The following PEAK1 variants were observed in gnomAD, a reference collection of about 807,000 sequenced individuals.
PEAK1 encodes the protein pseudopodium enriched atypical kinase 1.
In PEAK1, 54 loss-of-function variants were observed where a neutral mutation model predicts 124.7. That is an observed-to-expected ratio of 0.43 (90% CI 0.35 to 0.54). PEAK1 has a LOEUF of 0.54. PEAK1 is among the 20% of genes least tolerant of loss of function. PEAK1 has a pLI of 0.01. For synonymous variants in PEAK1, 719 were observed against 760.0 expected, an observed-to-expected ratio of 0.95 and a Z score of 0.89; for missense variants, 2,046 against 2,134.5, an observed-to-expected ratio of 0.96 and a Z score of 0.82.
intron 6 of PEAK1, among the ~76,000 whole-genome samples, chr15:77,232,064 G>A (rs1009057729): frequency 6.6e-6 from 1 of 152,182 alleles, no homozygotes; most frequent in African/African-American, 2.4e-5. Flanking sequence ...CACCTGAGAT[G>A]TTTGCTTAAA....
chr15:77,202,660 C>T (rs2058422932), intron 6 of PEAK1, among the ~76,000 whole-genome samples: 1 of 150,832 alleles, frequency 6.6e-6, no homozygotes, highest in South Asian at 2.1e-4. Flanking sequence ...GTCCCAGCTA[C>T]TCAGGAGGCT....
chr15:77,179,310 G>C lies in PEAK1; in HGVS notation c.2617C>G (p.Pro873Ala), dbSNP rs376467899. The part of the protein sequence containing the change: ...QSEPPAPFPP[P>A]RSTSSPYHAG... Reference sequence around the variant, plus strand: ...TGGTAAGGAGAAGAAGTAGAGCGTGGCGGGGGAAAGGGAGCTGGTGGCTCA... The same window carrying C: ...TGGTAAGGAGAAGAAGTAGAGCGTGCCGGGGGAAAGGGAGCTGGTGGCTCA... The change falls in exon 7 of 10, where the codon CCA (proline) becomes GCA (alanine). Residue 873 changes from proline to alanine, a missense_variant. Transcript: ENST00000682557. The C allele has an allele frequency of 6.2e-7, 1 of 1,613,962 alleles. No homozygotes were observed. Among genetic ancestry groups the C allele is most frequent in the Non-Finnish European group, 8.5e-7 (1 of 1,180,014 alleles).
At chr15:77,319,791 A>C (rs917494207) in intron 2 of PEAK1, among the ~76,000 whole-genome samples, 1 of 152,150 alleles carries the variant, frequency 6.6e-6, no homozygotes, top group Admixed American at 6.6e-5. Flanking sequence ...TTCTAATACC[A>C]AATTTATAGA....
chr15:77,292,169 G>A (rs1597140825), intron 2 of PEAK1, among the ~76,000 whole-genome samples: 1 of 152,084 alleles, frequency 6.6e-6, no homozygotes, highest in African/African-American at 2.4e-5. Context: ...CAAACACTGA[G>A]TTAGTGAACA....
At chr15:77,225,914 G>A (rs1388920670) in intron 6 of PEAK1, among the ~76,000 whole-genome samples, 1 of 145,968 alleles carries the variant, frequency 6.9e-6, no homozygotes, top group Admixed American at 6.9e-5. Context: ...TTAAATGCTA[G>A]GCAAAGTTCA....
At chr15:77,262,541 T>C (rs1318436875) in intron 5 of PEAK1, among the ~76,000 whole-genome samples, 1 of 151,452 alleles carries the variant, frequency 6.6e-6, no homozygotes, top group Admixed American at 6.6e-5. Flanking sequence ...AAGGGATCAA[T>C]TGAACAAGAA....
At chr15:77,130,823 AT>A (rs2052792684) in intron 9 of PEAK1, among the ~76,000 whole-genome samples, 1 of 152,202 alleles carries the variant, frequency 6.6e-6, no homozygotes, top group Non-Finnish European at 1.5e-5. Flanking sequence ...AGGCTCAAAG[AT>A]TGTTACTCTC....
At chr15:77,261,998 C>A (rs1290453247) in intron 5 of PEAK1, among the ~76,000 whole-genome samples, 1 of 152,110 alleles carries the variant, frequency 6.6e-6, no homozygotes. Flanking sequence ...AATTTCATAT[C>A]CAGCCAAACT....
chr15:77,195,852 AG>A (rs2058077331), intron 6 of PEAK1, among the ~76,000 whole-genome samples: 2 of 152,202 alleles, frequency 1.3e-5, no homozygotes, highest in Middle Eastern at 6.3e-3. Flanking sequence ...CTCCATCCTG[AG>A]GAAGCCTCCC....
At chr15:77,326,589 C>T (rs372361474) in intron 2 of PEAK1, among the ~76,000 whole-genome samples, 9 of 152,140 alleles carry the variant, frequency 5.9e-5, no homozygotes, top group Admixed American at 5.9e-4. Context: ...ATATTTCTCT[C>T]ATCACAGAAA....
At chr15:77,312,736 G>C (rs2064554780) in intron 2 of PEAK1, among the ~76,000 whole-genome samples, 1 of 152,212 alleles carries the variant, frequency 6.6e-6, no homozygotes, top group Admixed American at 6.5e-5. Context: ...GCAGGAAGAA[G>C]GCTGAAGGCC....
At chr15:77,402,597 T>C (rs531757177) in intron 1 of PEAK1, 462 of 982,564 alleles carry the variant, frequency 4.7e-4, no homozygotes, top group Non-Finnish European at 5.4e-4. Context: ...TATGCTCCAG[T>C]TTTGAATGAA....
intron 6 of PEAK1, among the ~76,000 whole-genome samples, chr15:77,233,545 A>T (rs2059993546): frequency 6.6e-6 from 1 of 152,134 alleles, no homozygotes; most frequent in Non-Finnish European, 1.5e-5. Context: ...TGTTGGAGTG[A>T]CCAAAAATAT....
intron 6 of PEAK1, among the ~76,000 whole-genome samples, chr15:77,184,408 G>A (rs941999418): frequency 1.3e-5 from 2 of 152,130 alleles, no homozygotes; most frequent in African/African-American, 4.8e-5. Context: ...AAACAGTTTT[G>A]CAGTTTCTTA....
chr15:77,417,271 C>T lies in PEAK1; in HGVS notation c.-666+2735G>A, dbSNP rs907111220. Reference sequence around the variant, plus strand: ...ATAATACTCAGGTCCTACCTACCACCATGCCTGGCACTTAAAAGGTACTCA... The same window carrying T: ...ATAATACTCAGGTCCTACCTACCACTATGCCTGGCACTTAAAAGGTACTCA... On this transcript the variant is annotated intron_variant, in intron 1 of 9. Transcript: ENST00000682557. 10 of 845,314 alleles carry T rather than the reference C, an allele frequency of 1.2e-5. No homozygotes were observed. The African/African-American group carries it at 1.3e-4, about 11-fold the overall frequency. The allele number at this position is 845,314 out of a possible 1,614,324, so 52.4% of individuals were successfully genotyped here.
In PEAK1 at chr15:77,336,953, C is replaced by CTA. The variant is rs201734844; in HGVS notation, c.-603+28208_-603+28209dup. The CTA allele has an allele frequency of 7.2e-3, 1,804 of 250,716 alleles. 12 individuals carry two copies. Among genetic ancestry groups the CTA allele is most frequent in the Non-Finnish European group, 9.1e-3 (1,456 of 159,516 alleles). 15.5% of individuals were successfully genotyped at this position (250,716 alleles called of 1,614,324 possible). Reference sequence around the variant, plus strand: ...AAGGCCATTTGTGAAAATTAATAACCTATATATATATGTACTAAACACTAT... The same window carrying CTA: ...AAGGCCATTTGTGAAAATTAATAACCTATATATATATATGTACTAAACACTAT... On this transcript the variant is annotated intron_variant, in intron 2 of 9. Transcript: ENST00000682557.
intron 6 of PEAK1, among the ~76,000 whole-genome samples, chr15:77,219,740 T>C (rs999381312): frequency 6.6e-6 from 1 of 152,094 alleles, no homozygotes; most frequent in Non-Finnish European, 1.5e-5. Context: ...AAAAATGACT[T>C]TCTGGCTACC....
At chr15:77,321,337 T>G (rs931518727) in intron 2 of PEAK1, among the ~76,000 whole-genome samples, 5 of 152,210 alleles carry the variant, frequency 3.3e-5, no homozygotes, top group African/African-American at 1.2e-4. Context: ...TCCTGACTTT[T>G]TAATGATCGC....
intron 6 of PEAK1, among the ~76,000 whole-genome samples, chr15:77,241,876 C>T (rs1386759575): frequency 1.3e-5 from 2 of 151,806 alleles, no homozygotes; most frequent in Non-Finnish European, 2.9e-5. Context: ...ACTGGAAGAC[C>T]CAACATAGTA....
Sources: allele counts gnomAD v4.1 joint callset (sites outside exome capture counted in the v4.1 genomes callset), GRCh38; gene constraint gnomAD v4.1.1; transcripts MANE v1.5; gene names NCBI Gene and HGNC (gene_info 2026-07-23, HGNC 2026-07-21).